Variants in SAMD5 observed in about 807,000 individuals in gnomAD.
SAMD5 encodes sterile alpha motif domain-containing protein 5.
In SAMD5, 13 loss-of-function variants were observed where a neutral mutation model predicts 11.3. The ratio of observed to expected loss-of-function variants is 1.15; its 90% CI spans 0.75 to 1.83. SAMD5 has a LOEUF of 1.83. SAMD5 is among the 40% of genes most tolerant of loss of function. The pLI is 0.00. For synonymous variants in SAMD5, 129 were observed against 111.3 expected, an observed-to-expected ratio of 1.16 and a Z score of -1.00; for missense variants, 255 against 239.1, an observed-to-expected ratio of 1.07 and a Z score of -0.44.
At chr6:147,689,851 C>G (rs2128456960) in intron 1 of SAMD5, among the ~76,000 whole-genome samples, 1 of 152,266 alleles carries the variant, frequency 6.6e-6, no homozygotes, top group South Asian at 2.1e-4. Flanking sequence ...AAATTGAATT[C>G]AAAATCTTTT....
the SAMD5 span, among the ~76,000 whole-genome samples, chr6:147,809,777 T>C: frequency 6.6e-6 from 1 of 152,220 alleles, no homozygotes; most frequent in Non-Finnish European, 1.5e-5. Context: ...TGTAGCCAGA[T>C]CATTCTTGGT....
chr6:147,704,743 G>C (rs1297315093), intron 1 of SAMD5, among the ~76,000 whole-genome samples: 2 of 152,180 alleles, frequency 1.3e-5, no homozygotes, highest in Non-Finnish European at 2.9e-5. Flanking sequence ...AGAGGAAAGG[G>C]AGCCTGTGTT....
At chr6:147,828,169 GT>G in the SAMD5 span, among the ~76,000 whole-genome samples, 46 of 152,276 alleles carry the variant, frequency 3.0e-4, no homozygotes, top group South Asian at 9.3e-3. Flanking sequence ...TTATGAGAGT[GT>G]TAAACTCCTG....
the SAMD5 span, among the ~76,000 whole-genome samples, chr6:147,770,003 A>G: frequency 0.015 from 2,229 of 152,304 alleles, 25 homozygotes; most frequent in Non-Finnish European, 0.022. Flanking sequence ...TAAGCTGTAG[A>G]ACTGATGCAC....
At chr6:147,727,347 GCT>G (rs1212347700) in intron 1 of SAMD5, among the ~76,000 whole-genome samples, 1 of 152,122 alleles carries the variant, frequency 6.6e-6, no homozygotes, top group African/African-American at 2.4e-5. Context: ...ATCCCTATAT[GCT>G]CTAAGAAGGG....
At chr6:147,816,301 A>AAAAAAAAAAAATATATATATATAT in the SAMD5 span, among the ~76,000 whole-genome samples, 1 of 66,358 alleles carries the variant, frequency 1.5e-5, no homozygotes, top group Non-Finnish European at 2.4e-5. Flanking sequence ...AAAAAAAAAA[A>AAAAAAAAAAAATATATATATATAT]ATATATATAT....
the SAMD5 span, among the ~76,000 whole-genome samples, chr6:147,767,049 T>C: frequency 3.3e-5 from 5 of 152,202 alleles, no homozygotes; most frequent in African/African-American, 9.6e-5. Flanking sequence ...CAGTAAACAG[T>C]ATTTCATTGT....
At chr6:147,511,624 G>T (rs1381503766) in intron 1 of SAMD5, among the ~76,000 whole-genome samples, 1 of 111,816 alleles carries the variant, frequency 8.9e-6, no homozygotes, top group Non-Finnish European at 1.7e-5. Flanking sequence ...TTGAGTTGGG[G>T]ACCAAAAAAA....
chr6:147,877,847 T>TACACACACACACACACACACAC, the SAMD5 span, among the ~76,000 whole-genome samples: 14 of 113,124 alleles, frequency 1.2e-4, 1 homozygote, highest in South Asian at 1.1e-3. Flanking sequence ...TTTATATAAA[T>TACACACACACACACACACACAC]ACACACACAC....
intron 1 of SAMD5, among the ~76,000 whole-genome samples, chr6:147,706,904 A>G (rs143029776): frequency 6.6e-6 from 1 of 152,280 alleles, no homozygotes; most frequent in African/African-American, 2.4e-5. Flanking sequence ...CCATGGGGAG[A>G]CTGATATTTT....
At chr6:147,934,442 TACC>T in the SAMD5 span, among the ~76,000 whole-genome samples, 2 of 152,152 alleles carry the variant, frequency 1.3e-5, no homozygotes, top group Non-Finnish European at 2.9e-5. Flanking sequence ...TTCTGTAGGA[TACC>T]CCTGACTAGG....
the SAMD5 span, among the ~76,000 whole-genome samples, chr6:147,770,233 A>G: frequency 6.6e-6 from 1 of 152,154 alleles, no homozygotes; most frequent in Non-Finnish European, 1.5e-5. Flanking sequence ...GCTGCCTTCC[A>G]TTAGTATTGA....
At chr6:147,899,931 C>T in the SAMD5 span, among the ~76,000 whole-genome samples, 1 of 152,126 alleles carries the variant, frequency 6.6e-6, no homozygotes, top group Non-Finnish European at 1.5e-5. Flanking sequence ...AGAGACTGTC[C>T]AGCTCCAGGG....
intron 1 of SAMD5, among the ~76,000 whole-genome samples, chr6:147,691,980 C>T (rs1030123713): frequency 4.0e-5 from 6 of 151,874 alleles, no homozygotes; most frequent in African/African-American, 1.5e-4. Flanking sequence ...ATGTGACACA[C>T]ACACACACAC....
the SAMD5 span, among the ~76,000 whole-genome samples, chr6:147,921,497 G>T: frequency 4.6e-5 from 7 of 152,166 alleles, no homozygotes. Context: ...GACTACACTA[G>T]TGTCAACTCA....
At chr6:147,654,557 C>T (rs1268810149) in intron 1 of SAMD5, among the ~76,000 whole-genome samples, 1 of 151,850 alleles carries the variant, frequency 6.6e-6, no homozygotes, top group African/African-American at 2.4e-5. Flanking sequence ...CTTTCTAGGC[C>T]ACTACTGTTG....
At chr6:147,651,128 C>A (rs982324984) in intron 1 of SAMD5, among the ~76,000 whole-genome samples, 6 of 152,138 alleles carry the variant, frequency 3.9e-5, no homozygotes, top group Admixed American at 1.3e-4. Context: ...AATGTATTGT[C>A]CAAAGGAATT....
intron 1 of SAMD5, among the ~76,000 whole-genome samples, chr6:147,593,516 G>A (rs1436515548): frequency 2.6e-5 from 4 of 152,096 alleles, no homozygotes; most frequent in Admixed American, 1.3e-4. Flanking sequence ...TCTTTATAGC[G>A]AATGTGTTGG....
the SAMD5 span, among the ~76,000 whole-genome samples, chr6:147,770,001 A>G: frequency 4.6e-5 from 7 of 152,234 alleles, no homozygotes; most frequent in African/African-American, 1.7e-4. Flanking sequence ...CGTAAGCTGT[A>G]GAACTGATGC....
Sources: allele counts gnomAD v4.1 joint callset (sites outside exome capture counted in the v4.1 genomes callset), GRCh38; gene constraint gnomAD v4.1.1; transcripts MANE v1.5; gene names NCBI Gene and HGNC (gene_info 2026-07-23, HGNC 2026-07-21).